BRINP2: variants seen among roughly 807,000 people sequenced by gnomAD.
BRINP2 encodes BMP/retinoic acid inducible neural specific 2.
In BRINP2, 21 loss-of-function variants were observed where a neutral mutation model predicts 69.2. That is an observed-to-expected ratio of 0.30 (90% confidence interval 0.22 to 0.44). The LOEUF (loss-of-function observed/expected upper bound fraction) is 0.44, where lower values mean the gene tolerates loss of function less well. Among genes scored for constraint, BRINP2 ranks in the 20% least tolerant of loss-of-function variants. The probability of loss-of-function intolerance (pLI) is 1.00; values close to 1 mark genes in which losing one functional copy is unlikely to be tolerated. For missense variants in BRINP2, 877 were observed against 986.0 expected (o/e 0.89, Z 1.48); for synonymous variants, 380 against 394.1 (o/e 0.96, Z 0.42).
intron 2 of BRINP2, among the ~76,000 whole-genome samples, chr1:177,255,485 G>T (rs762700041): frequency 6.6e-6 from 1 of 152,236 alleles, no homozygotes; most frequent in Non-Finnish European, 1.5e-5. Context: ...AGTGGTTCTA[G>T]AGCAAGCTTC....
At chr1:177,260,787 A>C (rs1190081336) in intron 4 of BRINP2, among the ~76,000 whole-genome samples, 1 of 152,230 alleles carries the variant, frequency 6.6e-6, no homozygotes, top group East Asian at 1.9e-4. Flanking sequence ...GCTATTGAAC[A>C]CTTAATAGAC....
chr1:177,265,063 G>C (rs1440996450), intron 4 of BRINP2, among the ~76,000 whole-genome samples: 1 of 152,086 alleles, frequency 6.6e-6, no homozygotes, highest in South Asian at 2.1e-4. Flanking sequence ...TATACTACAA[G>C]GCTACAGTAA....
chr1:177,190,217 C>T (rs138127144), intron 1 of BRINP2, among the ~76,000 whole-genome samples: 8 of 152,256 alleles, frequency 5.3e-5, no homozygotes, highest in African/African-American at 1.2e-4. Context: ...AGACTTTCAG[C>T]GGAAAGGCTG....
At chr1:177,183,944 C>T (rs1648340407) in intron 1 of BRINP2, among the ~76,000 whole-genome samples, 1 of 152,148 alleles carries the variant, frequency 6.6e-6, no homozygotes, top group Non-Finnish European at 1.5e-5. Context: ...AAAGATGGGA[C>T]ATTCAATGAG....
intron 2 of BRINP2, among the ~76,000 whole-genome samples, chr1:177,253,224 T>C (rs146169527): frequency 6.6e-6 from 1 of 152,310 alleles, no homozygotes; most frequent in East Asian, 1.9e-4. Flanking sequence ...TTTCTGTCTT[T>C]TTGATAACAG....
At position 177,276,425 on chromosome 1, in the gene BRINP2, G is replaced by A. The variant is rs754859326; in HGVS notation, c.1003G>A (p.Glu335Lys). 2 of 1,614,072 alleles carry A rather than the reference G, an allele frequency of 1.2e-6. No homozygotes were observed. The highest frequency in any genetic ancestry group is 1.7e-6 in the Non-Finnish European group (2 of 1,180,002). ...DSWATHNRQF[E>K]ESEEFQALLK... is the part of the protein sequence containing the mutation. ...CTGGGCCACTCACAACCGGCAGTTT[G>A]AAGAGTCAGGTGAGCAGCCAGAATT... The change falls in exon 6 of 8, where the codon GAA becomes AAA. Residue 335 changes from glutamate to lysine, a missense_variant. Physicochemically the swap from Glu to Lys is moderately conservative, Grantham distance 56. Transcript: ENST00000361539.
chr1:177,241,063 C>T (rs921625473), intron 2 of BRINP2, among the ~76,000 whole-genome samples: 4 of 152,036 alleles, frequency 2.6e-5, no homozygotes, highest in Non-Finnish European at 5.9e-5. Context: ...ACTCCGCCTC[C>T]CGGGTTCATG....
intron 1 of BRINP2, among the ~76,000 whole-genome samples, chr1:177,208,021 G>C (rs1649114269): frequency 6.6e-6 from 1 of 151,350 alleles, no homozygotes; most frequent in Non-Finnish European, 1.5e-5. Context: ...GTTACAACCT[G>C]CACTCTGGAC....
intron 1 of BRINP2, among the ~76,000 whole-genome samples, chr1:177,202,704 C>T (rs894104535): frequency 2.0e-5 from 3 of 151,978 alleles, no homozygotes; most frequent in Admixed American, 6.6e-5. Flanking sequence ...GACATTTATG[C>T]GGCCAAAAAA....
At chr1:177,229,742 C>T (rs1649804569) in intron 1 of BRINP2, 59 bp from the exon 2 acceptor site, 1 of 1,244,532 alleles carries the variant, frequency 8.0e-7, no homozygotes, top group Non-Finnish European at 1.1e-6. Context: ...ATGTGTGATG[C>T]TCACAGGCCC....
intron 1 of BRINP2, among the ~76,000 whole-genome samples, chr1:177,197,683 G>A (rs925917015): frequency 2.0e-5 from 3 of 152,074 alleles, no homozygotes; most frequent in East Asian, 3.9e-4. Flanking sequence ...TTGTGTTATG[G>A]CACCCAAGCC....
intron 2 of BRINP2, among the ~76,000 whole-genome samples, chr1:177,252,574 G>A (rs886658382): frequency 5.3e-5 from 8 of 152,062 alleles, no homozygotes; most frequent in African/African-American, 1.9e-4. Flanking sequence ...TTTCTTTGTG[G>A]TGATAACTTT....
At chr1:177,216,587 T>G (rs919716792) in intron 1 of BRINP2, among the ~76,000 whole-genome samples, 5 of 152,128 alleles carry the variant, frequency 3.3e-5, no homozygotes, top group Non-Finnish European at 7.4e-5. Context: ...TACTATTAGG[T>G]TTTGTACTTT....
At chr1:177,268,558 G>C (rs1482400550) in intron 4 of BRINP2, among the ~76,000 whole-genome samples, 1 of 152,156 alleles carries the variant, frequency 6.6e-6, no homozygotes, top group Non-Finnish European at 1.5e-5. Flanking sequence ...GCACCTTTTT[G>C]TTTATTTAAT....
At chr1:177,176,755 T>A (rs1246320131) in intron 1 of BRINP2, among the ~76,000 whole-genome samples, 3 of 144,638 alleles carry the variant, frequency 2.1e-5, no homozygotes, top group African/African-American at 8.6e-5. Context: ...TACACCAACC[T>A]ATATTTATTT....
At chr1:177,227,863 C>T (rs933184334) in intron 1 of BRINP2, among the ~76,000 whole-genome samples, 5 of 152,212 alleles carry the variant, frequency 3.3e-5, no homozygotes, top group Admixed American at 2.6e-4. Flanking sequence ...AATTTGTGTG[C>T]CAGTATCATC....
chr1:177,199,050 G>GA (rs1030730251), intron 1 of BRINP2, among the ~76,000 whole-genome samples: 3 of 152,076 alleles, frequency 2.0e-5, no homozygotes, highest in Non-Finnish European at 4.4e-5. Flanking sequence ...TTTAGGTAAG[G>GA]AAAAAAAGCC....
chr1:177,233,988 T>C (rs144828600), intron 2 of BRINP2, among the ~76,000 whole-genome samples: 2 of 152,178 alleles, frequency 1.3e-5, no homozygotes, highest in East Asian at 1.9e-4. Context: ...ATCTTGTAAA[T>C]TGAACATTGA....
intron 1 of BRINP2, among the ~76,000 whole-genome samples, chr1:177,195,411 T>C (rs1426280427): frequency 1.3e-5 from 2 of 150,928 alleles, no homozygotes; most frequent in African/African-American, 2.4e-5. Flanking sequence ...TACGCTCACA[T>C]ACTCAGGAGC....
Sources: gnomAD v4.1 joint callset for allele counts (sites outside exome capture counted in the v4.1 genomes callset) on GRCh38, gnomAD v4.1.1 for gene constraint, MANE v1.5 for transcripts, NCBI Gene and HGNC (gene_info 2026-07-23, HGNC 2026-07-21) for gene names.